RBFOX1: variants seen among roughly 807,000 people sequenced by gnomAD.
RBFOX1 encodes the protein RNA binding protein fox-1 homolog 1.
Under a neutral mutation model 57.7 loss-of-function variants are expected in RBFOX1, and 8 were observed. The ratio of observed to expected loss-of-function variants is 0.14; its 90% CI spans 0.08 to 0.25. The LOEUF is 0.25. Among genes scored for constraint, RBFOX1 ranks in the 10% least tolerant of loss-of-function variants. RBFOX1 has a pLI of 1.00. For synonymous variants in RBFOX1, 326 were observed against 222.4 expected, an observed-to-expected ratio of 1.47 and a Z score of -4.15; for missense variants, 611 against 548.5, an observed-to-expected ratio of 1.11 and a Z score of -1.14.
exon 3 of RBFOX1, chr16:5,599,588 G>T (rs765560160): frequency 8.3e-6 from 2 of 240,424 alleles, no homozygotes; most frequent in Non-Finnish European, 1.6e-5. Flanking sequence ...TTTGTGTATT[G>T]TTGGTGACCT....
At chr16:5,281,829 G>A (rs979870187) in intron 1 of RBFOX1, among the ~76,000 whole-genome samples, 2 of 152,208 alleles carry the variant, frequency 1.3e-5, no homozygotes, top group African/African-American at 2.4e-5. Context: ...CAAGTGAAGT[G>A]AGTTTCTTGT....
At chr16:5,927,547 C>G (rs907142184) in intron 4 of RBFOX1, among the ~76,000 whole-genome samples, 6 of 152,068 alleles carry the variant, frequency 3.9e-5, no homozygotes, top group Admixed American at 6.5e-5. Context: ...GAGGTTCCCC[C>G]CAAAAGTAGA....
At chr16:7,157,891 C>T (rs992461408) in intron 4 of RBFOX1, among the ~76,000 whole-genome samples, 7 of 152,128 alleles carry the variant, frequency 4.6e-5, no homozygotes, top group African/African-American at 1.7e-4. Flanking sequence ...TTCACTTTGA[C>T]CCATTGGTAG....
intron 1 of RBFOX1, among the ~76,000 whole-genome samples, chr16:5,417,586 G>T (rs568778): frequency 6.6e-6 from 1 of 152,106 alleles, no homozygotes; most frequent in African/African-American, 2.4e-5. Flanking sequence ...AACCAGAAGA[G>T]AGCAAAGGTG....
At chr16:5,407,485 T>C (rs1347680916) in intron 1 of RBFOX1, among the ~76,000 whole-genome samples, 1 of 152,062 alleles carries the variant, frequency 6.6e-6, no homozygotes. Flanking sequence ...GGACGGAGTG[T>C]GGAGTGCCAG....
At chr16:5,598,236 A>AT (rs34499675) in intron 2 of RBFOX1, among the ~76,000 whole-genome samples, 3 of 151,234 alleles carry the variant, frequency 2.0e-5, no homozygotes, top group Non-Finnish European at 4.4e-5. Flanking sequence ...AAAAAAAAAA[A>AT]TAAATAAAAA....
chr16:5,974,742 C>G lies in RBFOX1; in HGVS notation c.351+107407C>G, dbSNP rs573733445. Among the ~76,000 whole-genome samples, 11 of 152,312 alleles carry G rather than the reference C, an allele frequency of 7.2e-5. No homozygotes were observed. In the South Asian group the frequency reaches 2.3e-3, roughly 32 times the overall value. ...GTAAAAACCAAGCCAGGCGCAGTGG[C>G]TCACGTCTGTAATCCCAGCACTTTG... On this transcript the variant is annotated intron_variant, in intron 4 of 19. Transcript: ENST00000641259.
At chr16:6,631,484 A>G (rs2098384268) in intron 2 of RBFOX1, among the ~76,000 whole-genome samples, 1 of 152,102 alleles carries the variant, frequency 6.6e-6, no homozygotes, top group Admixed American at 6.6e-5. Context: ...CAGACATCAC[A>G]TTCTTAAAGT....
intron 1 of RBFOX1, among the ~76,000 whole-genome samples, chr16:6,065,329 G>C (rs549139326): frequency 6.6e-6 from 1 of 151,798 alleles, no homozygotes; most frequent in Non-Finnish European, 1.5e-5. Flanking sequence ...ACCACCGCAC[G>C]CGGCCCTATG....
intron 2 of RBFOX1, among the ~76,000 whole-genome samples, chr16:6,649,094 C>T (rs983174877): frequency 6.6e-6 from 1 of 152,152 alleles, no homozygotes; most frequent in Non-Finnish European, 1.5e-5. Flanking sequence ...AGGCCCAGAT[C>T]TCCCCAGCAA....
rs186984810 is a variant in RBFOX1 at position 7,629,777 on chromosome 16, C to A, written c.677-826C>A. Among the ~76,000 whole-genome samples, 10 of 152,324 alleles carry A rather than the reference C, an allele frequency of 6.6e-5. No individual in the cohort carries two copies. In the East Asian group the frequency reaches 9.7e-4, roughly 15 times the overall value. On this transcript the variant is annotated intron_variant, in intron 10 of 15. Transcript: ENST00000550418. ...CCACCTTGCAAGGATGAACCCAGTG[C>A]CCTTCGCTTTAAATCAGGAGGAGGC...
At chr16:5,948,757 C>G (rs1390402754) in intron 4 of RBFOX1, among the ~76,000 whole-genome samples, 1 of 152,154 alleles carries the variant, frequency 6.6e-6, no homozygotes, top group Non-Finnish European at 1.5e-5. Context: ...GACTTTCAGT[C>G]TCCAGAAGGG....
In RBFOX1 at chr16:6,940,848, A is replaced by AGTGTGTGTGT. The variant is rs1283880547; in HGVS notation, c.-15-111207_-15-111206insGTGTGTGTGT. Among the ~76,000 whole-genome samples, 42 of 58,478 alleles carry AGTGTGTGTGT rather than the reference A, an allele frequency of 7.2e-4. 1 individual carries two copies. The highest frequency in any genetic ancestry group is 2.9e-3 in the East Asian group (6 of 2,066). The allele number at this position is 58,478 out of a possible 152,430, so 38.4% of individuals were successfully genotyped here. A position where few individuals can be genotyped will look rare whatever the true frequency, so the allele number is the denominator to read the frequency against. ...CAGGCGCCTGCCACCATGTCCGGCT[A>AGTGTGTGTGT]GTCTGTGTGTGTGTGTGTGTGTGTG... On this transcript the variant is annotated intron_variant, in intron 3 of 15. Transcript: ENST00000550418.
At chr16:7,313,083 G>A (rs190332949) in intron 4 of RBFOX1, among the ~76,000 whole-genome samples, 1 of 152,248 alleles carries the variant, frequency 6.6e-6, no homozygotes, top group East Asian at 1.9e-4. Context: ...AGAAAGGGGT[G>A]TGGGACTCGT....
At chr16:6,750,170 G>C (rs1053587136) in intron 3 of RBFOX1, among the ~76,000 whole-genome samples, 3 of 152,172 alleles carry the variant, frequency 2.0e-5, no homozygotes, top group Admixed American at 6.6e-5. Context: ...AGCAAAATGG[G>C]ATGCAGGAGA....
intron 4 of RBFOX1, among the ~76,000 whole-genome samples, chr16:7,346,964 T>C (rs950135361): frequency 2.6e-5 from 4 of 152,076 alleles, no homozygotes; most frequent in African/African-American, 7.2e-5. Context: ...GCATGAACAA[T>C]TGAATGCACA....
chr16:6,794,933 C>T (rs532539153), intron 3 of RBFOX1, among the ~76,000 whole-genome samples: 2 of 152,210 alleles, frequency 1.3e-5, no homozygotes, highest in East Asian at 1.9e-4. Flanking sequence ...CAAACTGAGA[C>T]CTCAAATATT....
chr16:6,739,414 T>C lies in RBFOX1; in HGVS notation c.-16+84764T>C, dbSNP rs542069039. 3.3e-5 allele frequency among the ~76,000 whole-genome samples: 5 copies of C among 152,210 alleles called. No individual in the cohort carries two copies. In the East Asian group the frequency reaches 5.8e-4, roughly 18 times the overall value. On this transcript the variant is annotated intron_variant, in intron 3 of 15. Transcript: ENST00000550418. ...AGCACAAACTGCAATTCACCCAATATGCAATAGATAATTTGAATGACCCTA... is the reference window on the plus strand; with the variant it reads ...AGCACAAACTGCAATTCACCCAATACGCAATAGATAATTTGAATGACCCTA...
At chr16:6,111,030 C>G (rs1456849316) in intron 1 of RBFOX1, among the ~76,000 whole-genome samples, 2 of 151,988 alleles carry the variant, frequency 1.3e-5, no homozygotes, top group Non-Finnish European at 1.5e-5. Context: ...GGAAGAGATT[C>G]TCATGGGTTA....
Sources: allele counts gnomAD v4.1 joint callset (sites outside exome capture counted in the v4.1 genomes callset), GRCh38; gene constraint gnomAD v4.1.1; transcripts MANE v1.5; gene names NCBI Gene and HGNC (gene_info 2026-07-23, HGNC 2026-07-21).